The following SGCZ variants were observed in gnomAD, a reference collection of about 807,000 sequenced individuals.
SGCZ encodes zeta-sarcoglycan.
SGCZ carries 40 observed loss-of-function variants against 41.3 expected under a neutral mutation model. The observed-to-expected ratio is 0.97, with a 90% CI of 0.75 to 1.26. The LOEUF (loss-of-function observed/expected upper bound fraction) is 1.26. Ranked by LOEUF, SGCZ falls within the 50% of genes most tolerant of loss-of-function variation. The pLI, the probability that SGCZ is intolerant of heterozygous loss-of-function variation, is 0.00. For synonymous variants in SGCZ, 206 were observed against 137.5 expected, an observed-to-expected ratio of 1.50 and a Z score of -3.49; for missense variants, 552 against 369.8, an observed-to-expected ratio of 1.49 and a Z score of -4.04.
chr8:14,193,427 T>G (rs1805168183), intron 4 of SGCZ, among the ~76,000 whole-genome samples: 1 of 152,058 alleles, frequency 6.6e-6, no homozygotes, highest in Non-Finnish European at 1.5e-5. Context: ...TGTATGTAAC[T>G]GTGGCAACAT....
At chr8:14,344,747 A>T (rs1456242273) in intron 2 of SGCZ, among the ~76,000 whole-genome samples, 1 of 152,138 alleles carries the variant, frequency 6.6e-6, no homozygotes, top group East Asian at 1.9e-4. Context: ...GAAACAGTCA[A>T]TTGTGGTTTT....
intron 1 of SGCZ, among the ~76,000 whole-genome samples, chr8:15,012,680 T>C (rs1003929346): frequency 7.2e-5 from 8 of 111,772 alleles, no homozygotes; most frequent in Non-Finnish European, 1.2e-4. Flanking sequence ...ATTATATATT[T>C]ATAATATAAA....
At chr8:14,369,021 ATG>A (rs10655274) in intron 2 of SGCZ, among the ~76,000 whole-genome samples, 1,890 of 145,260 alleles carry the variant, frequency 0.013, 16 homozygotes, top group African/African-American at 0.015. Flanking sequence ...GCAAATGTAA[ATG>A]TGTGTGTGTG....
intron 1 of SGCZ, among the ~76,000 whole-genome samples, chr8:14,966,505 T>C (rs1801130631): frequency 6.6e-6 from 1 of 151,958 alleles, no homozygotes; most frequent in Admixed American, 6.6e-5. Flanking sequence ...TTTTACAAAG[T>C]CCAGGTATTA....
intron 1 of SGCZ, among the ~76,000 whole-genome samples, chr8:14,632,043 G>T (rs1438047460): frequency 1.1e-5 from 1 of 92,568 alleles, no homozygotes; most frequent in Non-Finnish European, 2.3e-5. Context: ...TTGGAGATAG[G>T]GTCTTGTTCT....
At chr8:14,942,834 G>A (rs1440734019) in intron 1 of SGCZ, among the ~76,000 whole-genome samples, 1 of 152,024 alleles carries the variant, frequency 6.6e-6, no homozygotes, top group East Asian at 1.9e-4. Context: ...CAACTTAACT[G>A]TATAAAAGGC....
rs561929309 is a variant in SGCZ at position 15,080,566 on chromosome 8, C to G, written c.39+157019G>C. Among the ~76,000 whole-genome samples, 15 of 152,056 alleles carry G rather than the reference C, an allele frequency of 9.9e-5. No individual in the cohort carries two copies. In the South Asian group the frequency reaches 2.9e-3, roughly 29 times the overall value. On this transcript the variant is annotated intron_variant, in intron 1 of 7. Coordinates refer to ENST00000382080, the MANE Select transcript of SGCZ (RefSeq NM_139167.4). ...GTAATTAAAAGGTCATTAGGGTGAGCCCTAATCTAATATGCTTGGTATCTT... is the reference window on the plus strand; with the variant it reads ...GTAATTAAAAGGTCATTAGGGTGAGGCCTAATCTAATATGCTTGGTATCTT...
intron 2 of SGCZ, among the ~76,000 whole-genome samples, chr8:14,362,911 A>G (rs1194401387): frequency 6.6e-6 from 1 of 152,238 alleles, no homozygotes; most frequent in Non-Finnish European, 1.5e-5. Flanking sequence ...CATAAATCCA[A>G]TAAAATATTT....
chr8:15,094,552 T>C (rs1047273807), intron 1 of SGCZ, among the ~76,000 whole-genome samples: 1 of 152,108 alleles, frequency 6.6e-6, no homozygotes. Context: ...TCTATAGTAC[T>C]AAAGTCCTGA....
intron 3 of SGCZ, among the ~76,000 whole-genome samples, chr8:14,275,824 C>T (rs1800210571): frequency 6.6e-6 from 1 of 152,126 alleles, no homozygotes; most frequent in Non-Finnish European, 1.5e-5. Flanking sequence ...TCCAAGGATC[C>T]ACCCCTGTAG....
intron 1 of SGCZ, among the ~76,000 whole-genome samples, chr8:14,819,357 T>C (rs754015549): frequency 3.3e-5 from 5 of 152,138 alleles, no homozygotes; most frequent in African/African-American, 1.2e-4. Context: ...CTGGAAATAG[T>C]ACTCTTAGCA....
At chr8:14,357,929 C>A (rs565623912) in intron 2 of SGCZ, among the ~76,000 whole-genome samples, 1 of 152,258 alleles carries the variant, frequency 6.6e-6, no homozygotes, top group African/African-American at 2.4e-5. Flanking sequence ...CCAGTGATTC[C>A]ATGACAAACT....
intron 7 of SGCZ, 86 bp from the exon 8 acceptor site, chr8:14,090,723 A>C: frequency 8.4e-7 from 1 of 1,185,698 alleles, no homozygotes; most frequent in Non-Finnish European, 1.2e-6. Flanking sequence ...TGGTCTAATA[A>C]GGAAGTCGAC....
chr8:14,920,090 C>T (rs916750340), intron 1 of SGCZ, among the ~76,000 whole-genome samples: 1 of 152,020 alleles, frequency 6.6e-6, no homozygotes, highest in Admixed American at 6.6e-5. Context: ...GACTAACTGC[C>T]ATTTATCTGG....
At position 14,940,070 on chromosome 8, in the gene SGCZ, G is replaced by C. The variant is rs188077500; in HGVS notation, c.39+297515C>G. On this transcript the variant is annotated intron_variant, in intron 1 of 7. Transcript: ENST00000382080. ...GTTTTTTACAAGGATATGTTCTTAA[G>C]GGCCACTCTTAAGTCACTGGAAAAC... Among the ~76,000 whole-genome samples the C allele has an allele frequency of 3.9e-3, 599 of 152,214 alleles. 2 individuals carry two copies. Among genetic ancestry groups the C allele is most frequent in the Middle Eastern group, 6.8e-3 (2 of 294 alleles).
intron 1 of SGCZ, among the ~76,000 whole-genome samples, chr8:14,953,943 CCA>C (rs1174786589): frequency 6.6e-6 from 1 of 151,992 alleles, no homozygotes; most frequent in African/African-American, 2.4e-5. Flanking sequence ...TTTTTCATCC[CCA>C]GTCCTTTCAG....
intron 1 of SGCZ, among the ~76,000 whole-genome samples, chr8:15,196,550 C>G (rs1347980844): frequency 4.5e-5 from 6 of 134,584 alleles, no homozygotes; most frequent in Admixed American, 1.4e-4. Context: ...GGTGTTAAGA[C>G]TTGCCAAAGT....
At chr8:15,098,518 G>T (rs1002672008) in intron 1 of SGCZ, among the ~76,000 whole-genome samples, 1 of 152,136 alleles carries the variant, frequency 6.6e-6, no homozygotes, top group Non-Finnish European at 1.5e-5. Flanking sequence ...AGAATGCTTC[G>T]TATTTACAAT....
intron 1 of SGCZ, among the ~76,000 whole-genome samples, chr8:15,229,569 C>G (rs1028246156): frequency 6.6e-6 from 1 of 152,222 alleles, no homozygotes; most frequent in Non-Finnish European, 1.5e-5. Flanking sequence ...GATAGAATTT[C>G]TCTCTCATGC....
Sources: gnomAD v4.1 joint callset for allele counts (sites outside exome capture counted in the v4.1 genomes callset) on GRCh38, gnomAD v4.1.1 for gene constraint, MANE v1.5 for transcripts, NCBI Gene and HGNC (gene_info 2026-07-23, HGNC 2026-07-21) for gene names.